Variants in NREP observed in about 807,000 individuals in gnomAD.
The protein encoded by NREP is neuronal regeneration-related protein.
In NREP, 5 loss-of-function variants were observed where a neutral mutation model predicts 8.6. The observed-to-expected ratio is 0.58, with a 90% confidence interval of 0.30 to 1.22. NREP has a LOEUF of 1.22. NREP is among the 50% of genes most tolerant of loss of function. The pLI is 0.07. For missense variants in NREP, 86 were observed against 82.5 expected (o/e 1.04, Z -0.17); for synonymous variants, 27 against 28.0 (o/e 0.96, Z 0.11).
intron 2 of NREP, among the ~76,000 whole-genome samples, chr5:111,836,025 T>C (rs1293261433): frequency 1.3e-5 from 2 of 152,128 alleles, no homozygotes; most frequent in African/African-American, 4.8e-5. Flanking sequence ...ATAAGGTTCC[T>C]GCAATCTGTG....
chr5:111,955,816 G>T (rs144385558), intron 2 of NREP, among the ~76,000 whole-genome samples: 1 of 151,680 alleles, frequency 6.6e-6, no homozygotes, highest in Non-Finnish European at 1.5e-5. Flanking sequence ...GGCAGAGCAT[G>T]GGAGTAGACA....
chr5:111,942,320 T>G (rs1352664285), intron 2 of NREP, among the ~76,000 whole-genome samples: 2 of 152,068 alleles, frequency 1.3e-5, no homozygotes, highest in East Asian at 3.9e-4. Flanking sequence ...TAAAAAAATC[T>G]CATGAGAGTC....
At chr5:111,919,477 T>C (rs1379942605) in intron 2 of NREP, among the ~76,000 whole-genome samples, 1 of 152,106 alleles carries the variant, frequency 6.6e-6, no homozygotes, top group Non-Finnish European at 1.5e-5. Context: ...TCAACCCAAA[T>C]GCCCATCAAT....
intron 2 of NREP, among the ~76,000 whole-genome samples, chr5:111,840,121 CATT>C (rs1356751784): frequency 3.3e-5 from 5 of 151,978 alleles, no homozygotes; most frequent in Admixed American, 6.6e-5. Context: ...AAGTATAAAT[CATT>C]ATTATATGCA....
rs532415919 is a variant in NREP at position 111,776,494 on chromosome 5, C to A, written c.136-40987G>T. On this transcript the variant is annotated intron_variant, in intron 2 of 3. Coordinates refer to the NREP transcript ENST00000395634. ...GTGTATGAGAAATAAATGCATATAT[C>A]CACCAAAAGACATGCGCAAGTCTGT... Among the ~76,000 whole-genome samples, 4 of 152,204 alleles carry A rather than the reference C, an allele frequency of 2.6e-5. No homozygotes were observed. The East Asian group carries it at 5.8e-4, about 22-fold the overall frequency.
At chr5:111,766,705 C>T (rs1466725866) in intron 2 of NREP, among the ~76,000 whole-genome samples, 1 of 152,190 alleles carries the variant, frequency 6.6e-6, no homozygotes. Context: ...CTGTTGCTTC[C>T]TCCCTACAAC....
intron 2 of NREP, among the ~76,000 whole-genome samples, chr5:111,968,220 TA>T (rs148738041): frequency 4.6e-5 from 7 of 151,842 alleles, no homozygotes; most frequent in African/African-American, 1.7e-4. Context: ...TTAAAAATCT[TA>T]AAAAAAAGGT....
chr5:111,757,179 C>T lies in NREP; in HGVS notation c.-102G>A, dbSNP rs1750769498. 2.1e-6 allele frequency: 2 copies of T among 968,322 alleles called. No individual in the cohort carries two copies. Among genetic ancestry groups the T allele is most frequent in the Non-Finnish European group, 2.4e-6 (2 of 827,116 alleles). The allele number at this position is 968,322 out of a possible 1,614,324, so 60.0% of individuals were successfully genotyped here. A position where few individuals can be genotyped will look rare whatever the true frequency, so the allele number is the denominator to read the frequency against. ...CTGTTCACTCTCTCTCCTCTCTACACCTGAAACACAAATGTGGTTGAAAAA... is the reference window on the plus strand; with the variant it reads ...CTGTTCACTCTCTCTCCTCTCTACATCTGAAACACAAATGTGGTTGAAAAA... On this transcript the variant is annotated 5_prime_UTR_variant, in exon 1 of 4. It adds an upstream start codon to the 5' untranslated region. Transcript: ENST00000257435.
chr5:111,908,037 TG>T (rs1754819739), intron 2 of NREP, among the ~76,000 whole-genome samples: 1 of 152,092 alleles, frequency 6.6e-6, no homozygotes, highest in South Asian at 2.1e-4. Flanking sequence ...AAATTGATTT[TG>T]GAAAATGAAT....
chr5:111,856,739 T>C (rs1753436047), intron 2 of NREP, among the ~76,000 whole-genome samples: 1 of 152,154 alleles, frequency 6.6e-6, no homozygotes, highest in South Asian at 2.1e-4. Flanking sequence ...AAGATTTTTT[T>C]TTTTTAACTT....
intron 2 of NREP, among the ~76,000 whole-genome samples, chr5:111,769,626 C>T (rs1041954518): frequency 6.6e-6 from 1 of 152,140 alleles, no homozygotes; most frequent in Non-Finnish European, 1.5e-5. Context: ...GTTTAATTGG[C>T]AAACAGTTCT....
chr5:111,827,808 A>G (rs1752663506), intron 2 of NREP, among the ~76,000 whole-genome samples: 1 of 151,966 alleles, frequency 6.6e-6, no homozygotes. Context: ...ATGCCACTGC[A>G]CTCCAGCCTG....
intron 2 of NREP, among the ~76,000 whole-genome samples, chr5:111,854,086 C>T (rs1272197507): frequency 6.6e-6 from 1 of 152,126 alleles, no homozygotes; most frequent in African/African-American, 2.4e-5. Context: ...AGGATTTTTC[C>T]TTCTCTTTAT....
intron 2 of NREP, among the ~76,000 whole-genome samples, chr5:111,835,608 G>C (rs1281774962): frequency 6.6e-6 from 1 of 151,970 alleles, no homozygotes; most frequent in East Asian, 1.9e-4. Context: ...AAGCAAGGGA[G>C]GTCAACCAAG....
intron 2 of NREP, among the ~76,000 whole-genome samples, chr5:111,786,631 A>G (rs1751618676): frequency 6.6e-6 from 1 of 152,186 alleles, no homozygotes; most frequent in Non-Finnish European, 1.5e-5. Context: ...TCCTCTGGAT[A>G]TGTCAGGTAT....
At chr5:111,733,156 A>G (rs1748756387) in intron 3 of NREP, 1 of 152,174 alleles carries the variant, frequency 6.6e-6, no homozygotes, top group African/African-American at 2.4e-5. Context: ...TTTCTTCATT[A>G]ATTATTCATT....
chr5:111,891,679 A>T (rs983056718), intron 2 of NREP, among the ~76,000 whole-genome samples: 1 of 152,214 alleles, frequency 6.6e-6, no homozygotes, highest in African/African-American at 2.4e-5. Context: ...GGCCTCAGGA[A>T]GCTTGGAATC....
intron 2 of NREP, among the ~76,000 whole-genome samples, chr5:111,848,171 A>G (rs980098114): frequency 3.3e-5 from 5 of 152,192 alleles, no homozygotes; most frequent in African/African-American, 1.2e-4. Context: ...TACTGGTGAC[A>G]AGAAGAATAT....
chr5:111,799,204 T>G (rs1186474922), intron 2 of NREP, among the ~76,000 whole-genome samples: 1 of 152,232 alleles, frequency 6.6e-6, no homozygotes, highest in East Asian at 1.9e-4. Flanking sequence ...GGTAATGTGA[T>G]GCCTCCAGAT....
Sources: gnomAD v4.1 joint callset for allele counts (sites outside exome capture counted in the v4.1 genomes callset) on GRCh38, gnomAD v4.1.1 for gene constraint, MANE v1.5 for transcripts, NCBI Gene and HGNC (gene_info 2026-07-23, HGNC 2026-07-21) for gene names.